Variants in C19orf47 observed in about 807,000 individuals in gnomAD.
The protein encoded by C19orf47 is chromosome 19 open reading frame 47.
C19orf47 carries 18 observed loss-of-function variants against 32.3 expected under a neutral mutation model. The ratio of observed to expected loss-of-function variants is 0.56; its 90% CI spans 0.39 to 0.83. The LOEUF (loss-of-function observed/expected upper bound fraction) is 0.83. Among genes scored for constraint, C19orf47 ranks in the 40% least tolerant of loss-of-function variants. The pLI, the probability that C19orf47 is intolerant of heterozygous loss-of-function variation, is 0.00. For synonymous variants in C19orf47, 202 were observed against 211.1 expected, an observed-to-expected ratio of 0.96 and a Z score of 0.37; for missense variants, 484 against 531.6, an observed-to-expected ratio of 0.91 and a Z score of 0.88.
chr19:40,325,464 C>T (rs2077810097), intron 7 of C19orf47, among the ~76,000 whole-genome samples: 3 of 151,508 alleles, frequency 2.0e-5, no homozygotes, highest in African/African-American at 7.3e-5. Context: ...CCCCTCTCTA[C>T]AAAAAATACA....
chr19:40,325,520 C>T (rs1368750931), intron 7 of C19orf47, among the ~76,000 whole-genome samples: 1 of 151,668 alleles, frequency 6.6e-6, no homozygotes, highest in African/African-American at 2.4e-5. Context: ...CCCAGCTACT[C>T]GGGAGGCTGA....
At chr19:40,303,307 A>G in the C19orf47 span, among the ~76,000 whole-genome samples, 1 of 151,870 alleles carries the variant, frequency 6.6e-6, no homozygotes, top group Non-Finnish European at 1.5e-5. Flanking sequence ...GGGGATCACG[A>G]GGTCAGAAGA....
downstream of C19orf47, among the ~76,000 whole-genome samples, chr19:40,315,507 A>G (rs1048256811): frequency 1.3e-5 from 2 of 152,120 alleles, no homozygotes; most frequent in African/African-American, 4.8e-5. Context: ...CTGGCCGGGC[A>G]TGGTGGCTCA....
chr19:40,300,081 G>C, the C19orf47 span, among the ~76,000 whole-genome samples: 1 of 152,058 alleles, frequency 6.6e-6, no homozygotes, highest in Non-Finnish European at 1.5e-5. Flanking sequence ...TAAATTAAAT[G>C]GGAAACATTG....
chr19:40,295,716 A>T, the C19orf47 span, among the ~76,000 whole-genome samples: 1 of 150,190 alleles, frequency 6.7e-6, no homozygotes, highest in Non-Finnish European at 1.5e-5. Flanking sequence ...GATTACATGC[A>T]TGAGCCACCG....
At chr19:40,294,799 G>T in the C19orf47 span, among the ~76,000 whole-genome samples, 1 of 152,196 alleles carries the variant, frequency 6.6e-6, no homozygotes, top group Non-Finnish European at 1.5e-5. Context: ...AGTGACAAGC[G>T]GCATTCTCTT....
Position 40,321,914 on chromosome 19 carries a change from C to T in C19orf47, c.1126G>A (p.Val376Met), listed in dbSNP as rs754416193. 4.3e-6 allele frequency: 7 copies of T among 1,611,336 alleles called. No individual in the cohort carries two copies. The highest frequency in any genetic ancestry group is 2.2e-5 in the South Asian group (2 of 90,832). Reference sequence around the variant, plus strand: ...GTCCTGCGGCCCAGTCTTTTGAACACGCTCACAGTGCCCGCGTGGTCCATC... The same window carrying T: ...GTCCTGCGGCCCAGTCTTTTGAACATGCTCACAGTGCCCGCGTGGTCCATC... ...AQMDHAGTVS[V>M]FKRLGRRTF Residue 376 changes from valine (V) to methionine (M), a missense_variant, in exon 9 of 9, where the codon GTG (valine) becomes ATG (methionine). Around this residue, in one of 3 missense-constraint regions of C19orf47, gnomAD observed 51 missense variants for 74.5 expected, o/e 0.68. Transcript: ENST00000683109.
At chr19:40,309,218 GTC>G in the C19orf47 span, among the ~76,000 whole-genome samples, 1 of 142,900 alleles carries the variant, frequency 7.0e-6, no homozygotes, top group Admixed American at 7.2e-5. Flanking sequence ...TTGAGACACA[GTC>G]TCACTCTGTC....
chr19:40,342,143 G>C, intron 1 of C19orf47: 2 of 770,492 alleles, frequency 2.6e-6, no homozygotes, highest in Non-Finnish European at 3.2e-6. Context: ...CAAAAGGTTG[G>C]CTGGAAAAGG....
chr19:40,318,979 T>G (rs1266394312), downstream of C19orf47, among the ~76,000 whole-genome samples: 1 of 152,164 alleles, frequency 6.6e-6, no homozygotes, highest in Non-Finnish European at 1.5e-5. Flanking sequence ...CAGTTTAAAA[T>G]AGTTAAAATG....
At chr19:40,341,991 G>A in intron 1 of C19orf47, 101 bp from the exon 2 acceptor site, 20 of 1,521,818 alleles carry the variant, frequency 1.3e-5, no homozygotes, top group Non-Finnish European at 1.6e-5. Flanking sequence ...AATGTTCCTG[G>A]GCTAGGGGCT....
At chr19:40,326,218 G>T in intron 7 of C19orf47, 116 bp downstream of exon 7, 1 of 1,411,520 alleles carries the variant, frequency 7.1e-7, no homozygotes, top group Non-Finnish European at 9.5e-7. Context: ...TACGGCTCCT[G>T]CATCCCCGTT....
the C19orf47 span, among the ~76,000 whole-genome samples, chr19:40,304,925 G>A: frequency 1.3e-5 from 2 of 152,154 alleles, no homozygotes; most frequent in Admixed American, 1.3e-4. Flanking sequence ...TTCCAGGTCT[G>A]AACTTGTCTG....
Position 40,322,007 on chromosome 19 carries a change from T to C in C19orf47, c.1033A>G (p.Lys345Glu), listed in dbSNP as rs765897376. 16 of 1,614,130 alleles carry C rather than the reference T, an allele frequency of 9.9e-6. No homozygotes were observed. Among genetic ancestry groups the C allele is most frequent in the Non-Finnish European group, 1.4e-5 (16 of 1,179,976 alleles). The change falls in exon 9 of 9, where the codon AAG becomes GAG. Residue 345 changes from lysine to glutamate, a missense_variant. This residue lies in a region of C19orf47 where 51 missense variants were observed against 74.5 expected (regional missense o/e 0.68). Transcript: ENST00000683109. ...ACCAGAGTCCTCTTAATGGTGACCT[T>C]GACCTCGGCTGAGGACTTACTCTTG... ...STKSKSSAEV[K>E]VTIKRTLVGP...
chr19:40,314,742 A>G (rs561021350), downstream of C19orf47, among the ~76,000 whole-genome samples: 2 of 152,214 alleles, frequency 1.3e-5, no homozygotes, highest in Admixed American at 1.3e-4. Flanking sequence ...AATTCCTTCC[A>G]AAGAGGACAA....
the C19orf47 span, among the ~76,000 whole-genome samples, chr19:40,302,779 T>C: frequency 2.6e-3 from 401 of 152,342 alleles, no homozygotes; most frequent in Non-Finnish European, 4.4e-3. Context: ...TGTCTGGCTA[T>C]GACTCTCCAA....
chr19:40,327,988 T>C (rs955835574), intron 6 of C19orf47, among the ~76,000 whole-genome samples: 7 of 152,000 alleles, frequency 4.6e-5, no homozygotes, highest in Non-Finnish European at 1.0e-4. Context: ...GGTTACAGGA[T>C]CAGACTGAAG....
rs1165783862 is a variant in C19orf47 at position 40,323,989 on chromosome 19, C to T, written c.663+17G>A. On this transcript the variant is annotated intron_variant, in intron 8 of 8. Coordinates refer to ENST00000683109, the MANE Select transcript of C19orf47 (RefSeq NM_001256441.2). ...AACAGCTCGCACGCCCAGAATCGCT[C>T]CCCCATCCCCACTCACTTTACTCCC... 5 of 1,613,930 alleles carry T rather than the reference C, an allele frequency of 3.1e-6. No individual in the cohort carries two copies. Among genetic ancestry groups the T allele is most frequent in the Non-Finnish European group, 1.7e-6 (2 of 1,179,966 alleles).
chr19:40,332,859 C>T (rs751872808), intron 5 of C19orf47, among the ~76,000 whole-genome samples: 1 of 152,188 alleles, frequency 6.6e-6, no homozygotes, highest in Non-Finnish European at 1.5e-5. Context: ...CATTCTCACC[C>T]TCTTATTTCA....
Sources: gnomAD v4.1 joint callset for allele counts (sites outside exome capture counted in the v4.1 genomes callset) on GRCh38, gnomAD v4.1.1 for gene constraint, gnomAD v4.1.1 regional missense constraint, MANE v1.5 for transcripts, NCBI Gene and HGNC (gene_info 2026-07-23, HGNC 2026-07-21) for gene names.